NXF2: variants seen among roughly 807,000 people sequenced by gnomAD.
NXF2 encodes the protein nuclear RNA export factor 2.
At chrX:102,298,634 G>T (rs1453776775) in intron 2 of NXF2, among the ~76,000 whole-genome samples, 1 of 103,332 alleles carries the variant, frequency 9.7e-6, no homozygotes. Flanking sequence ...CATGGCAGCC[G>T]GTGTCCCAGG....
chrX:102,298,570 G>A (rs1934005804), intron 2 of NXF2, among the ~76,000 whole-genome samples: 2 of 85,554 alleles, frequency 2.3e-5, no homozygotes, highest in Non-Finnish European at 4.4e-5. Flanking sequence ...GGGTACCACA[G>A]TTGCTGCCGT....
At chrX:102,294,076 A>G (rs1933987037) in intron 2 of NXF2, among the ~76,000 whole-genome samples, 1 of 78,535 alleles carries the variant, frequency 1.3e-5, no homozygotes, top group African/African-American at 6.0e-5. Flanking sequence ...GCATTAGGAG[A>G]TATACCTAAT....
chrX:102,298,709 G>A (rs1282849539), intron 2 of NXF2, among the ~76,000 whole-genome samples: 1 of 114,290 alleles, frequency 8.7e-6, no homozygotes, highest in Non-Finnish European at 1.9e-5. Flanking sequence ...CTCCCACAGT[G>A]CTAAACCACT....
At chrX:102,293,563 ATATT>A (rs1556384944) in intron 2 of NXF2, among the ~76,000 whole-genome samples, 1 of 28,998 alleles carries the variant, frequency 3.4e-5, no homozygotes, top group African/African-American at 1.3e-4. Context: ...ATATATATAT[ATATT>A]TAGTTTTGTT....
At chrX:102,294,271 G>C (rs1490199637) in intron 2 of NXF2, among the ~76,000 whole-genome samples, 1 of 102,698 alleles carries the variant, frequency 9.7e-6, no homozygotes, top group Non-Finnish European at 1.9e-5. Context: ...CTCTGAGTAG[G>C]ATGTGAGAAA....
At chrX:102,278,868 AT>A (rs1285455941) in intron 2 of NXF2, among the ~76,000 whole-genome samples, 11 of 425 alleles carry the variant, frequency 0.026, no homozygotes, top group African/African-American at 0.04. Flanking sequence ...TATCCATTGT[AT>A]TTTTTTTTTT....
At chrX:102,252,284 C>G (rs1204353353) in intron 2 of NXF2, among the ~76,000 whole-genome samples, 6 of 53,676 alleles carry the variant, frequency 1.1e-4, no homozygotes, top group Admixed American at 2.4e-4. Context: ...TGAGCCACCC[C>G]CCTCCCCCGG....
intron 2 of NXF2, among the ~76,000 whole-genome samples, chrX:102,251,927 C>A (rs1462109361): frequency 1.8e-5 from 2 of 114,273 alleles, no homozygotes; most frequent in Admixed American, 1.8e-4. Flanking sequence ...GAATTTGAAT[C>A]CTAGTTAGAA....
At chrX:102,293,906 C>G (rs1429091187) in intron 2 of NXF2, among the ~76,000 whole-genome samples, 1 of 41,442 alleles carries the variant, frequency 2.4e-5, no homozygotes, top group Non-Finnish European at 3.9e-5. Flanking sequence ...TCATTGCTTT[C>G]TCGCCTCATA....
In NXF2 at chrX:102,251,958, T is replaced by G. The variant is rs189839765; in HGVS notation, c.-54+3400T>G. On this transcript the variant is annotated intron_variant, in intron 2 of 22. Transcript: ENST00000625106. ...TAGAAAGCTTTTCCCTACAGTGGGG[T>G]TCTGCCATGTTTTGTTTTGTTTTGT... Among the ~76,000 whole-genome samples, 25 of 114,314 alleles carry G rather than the reference T, an allele frequency of 2.2e-4. No individual in the cohort carries two copies. In the East Asian group the frequency reaches 6.1e-3, roughly 28 times the overall value.
intron 2 of NXF2, among the ~76,000 whole-genome samples, chrX:102,281,957 C>G (rs1207841311): frequency 2.2e-5 from 1 of 44,551 alleles, no homozygotes; most frequent in Non-Finnish European, 4.4e-5. Context: ...TACAGGTGCC[C>G]GCCACCACGC....
intron 2 of NXF2, among the ~76,000 whole-genome samples, chrX:102,251,758 T>C (rs1434958723): frequency 1.3e-5 from 1 of 78,016 alleles, no homozygotes; most frequent in Non-Finnish European, 2.4e-5. Flanking sequence ...GAGCTCTCTA[T>C]ATATTTGGAA....
intron 1 of NXF2, 29 bp from the exon 2 acceptor site, chrX:102,248,408 A>G (rs1332039613): frequency 1.9e-5 from 1 of 51,422 alleles, no homozygotes; most frequent in Non-Finnish European, 3.2e-5. Flanking sequence ...TTCACCAGAT[A>G]TCTCACTGAT....
intron 2 of NXF2, among the ~76,000 whole-genome samples, chrX:102,252,053 C>T (rs1359951377): frequency 1.4e-4 from 15 of 109,902 alleles, no homozygotes; most frequent in Non-Finnish European, 2.7e-4. Context: ...AGTGCAGTGG[C>T]GCGATCTCGG....
chrX:102,298,634 G>A (rs1453776775), intron 2 of NXF2, among the ~76,000 whole-genome samples: 4 of 103,332 alleles, frequency 3.9e-5, no homozygotes, highest in African/African-American at 1.1e-4. Flanking sequence ...CATGGCAGCC[G>A]GTGTCCCAGG....
chrX:102,281,993 T>C (rs1475008650), intron 2 of NXF2, among the ~76,000 whole-genome samples: 1 of 21,166 alleles, frequency 4.7e-5, no homozygotes, highest in African/African-American at 9.7e-5. Flanking sequence ...TTTTTTTTTG[T>C]ATTTTTAGTA....
At chrX:102,252,078 T>C (rs1425662614) in intron 2 of NXF2, among the ~76,000 whole-genome samples, 1 of 103,749 alleles carries the variant, frequency 9.6e-6, no homozygotes, top group Non-Finnish European at 2.0e-5. Flanking sequence ...CTGCAACCTC[T>C]GCCTCCCAGG....
At chrX:102,281,715 A>G (rs1933916691) in intron 2 of NXF2, among the ~76,000 whole-genome samples, 1 of 94,775 alleles carries the variant, frequency 1.1e-5, no homozygotes, top group Non-Finnish European at 2.1e-5. Context: ...CTGGTATCTC[A>G]GTATGTCGTG....
chrX:102,252,023 C>T (rs1182341150), intron 2 of NXF2, among the ~76,000 whole-genome samples: 1 of 113,489 alleles, frequency 8.8e-6, no homozygotes. Context: ...CATGGAGTCT[C>T]GCTTTGTCGT....
Sources: gnomAD v4.1 joint callset for allele counts (sites outside exome capture counted in the v4.1 genomes callset) on GRCh38, gnomAD v4.1.1 for gene constraint, MANE v1.5 for transcripts, NCBI Gene and HGNC (gene_info 2026-07-23, HGNC 2026-07-21) for gene names.